Variants in RYR3 observed in about 807,000 individuals in gnomAD.
RYR3 encodes ryanodine receptor 3.
A neutral mutation model predicts 584.3 loss-of-function variants in RYR3; 207 were observed. The ratio of observed to expected loss-of-function variants is 0.35; its 90% confidence interval spans 0.32 to 0.40. RYR3 has a LOEUF of 0.40. Among genes scored for constraint, RYR3 ranks in the 10% least tolerant of loss-of-function variants. The probability of loss-of-function intolerance (pLI) is 1.00; values close to 1 mark genes in which losing one functional copy is unlikely to be tolerated. For missense variants in RYR3, 5,616 were observed against 6,089.2 expected (o/e 0.92, Z 2.59); for synonymous variants, 2,416 against 2,248.5 (o/e 1.07, Z -2.11).
At chr15:33,736,461 CAA>C in intron 49 of RYR3, 136 bp downstream of exon 49, 1 of 585,772 alleles carries the variant, frequency 1.7e-6, no homozygotes, top group South Asian at 2.4e-5. Context: ...GGTTAGCTAA[CAA>C]GATAGATCCC....
intron 60 of RYR3, among the ~76,000 whole-genome samples, chr15:33,768,113 G>C (rs1339499841): frequency 6.6e-6 from 1 of 152,188 alleles, no homozygotes. Flanking sequence ...AGACTAACTG[G>C]AGATGACAGA....
intron 47 of RYR3, among the ~76,000 whole-genome samples, chr15:33,730,746 T>C (rs1156625960): frequency 6.6e-6 from 1 of 152,176 alleles, no homozygotes; most frequent in East Asian, 1.9e-4. Context: ...ACTAAATGGG[T>C]TTTCCTTGTA....
chr15:33,389,824 C>G (rs1006020164), intron 1 of RYR3, among the ~76,000 whole-genome samples: 2 of 152,134 alleles, frequency 1.3e-5, no homozygotes, highest in African/African-American at 4.8e-5. Flanking sequence ...TTCAAGGATG[C>G]AGTTTAGTAT....
At chr15:33,818,849 C>T (rs933930460) in intron 76 of RYR3, among the ~76,000 whole-genome samples, 165 bp downstream of exon 76, 19 of 152,194 alleles carry the variant, frequency 1.2e-4, no homozygotes, top group African/African-American at 4.1e-4. Flanking sequence ...GGGAGCCAGG[C>T]GTGGTGGCTC....
intron 19 of RYR3, among the ~76,000 whole-genome samples, chr15:33,613,692 A>C (rs906594404): frequency 2.6e-5 from 4 of 152,396 alleles, no homozygotes; most frequent in South Asian, 4.1e-4. Flanking sequence ...GTTATGAACA[A>C]CACAGTAAAA....
intron 1 of RYR3, among the ~76,000 whole-genome samples, chr15:33,321,502 C>T (rs79325471): frequency 1.3e-3 from 191 of 152,246 alleles, no homozygotes; most frequent in African/African-American, 4.5e-3. Flanking sequence ...AATTGTCCTT[C>T]CCTGGTTGAG....
chr15:33,816,790 C>A (rs975543015), intron 74 of RYR3, 72 bp from the exon 75 acceptor site: 35 of 965,056 alleles, frequency 3.6e-5, no homozygotes, highest in Non-Finnish European at 5.3e-5. Context: ...GCTTACTAAC[C>A]ATTAACTGCC....
At chr15:33,682,807 G>A (rs2064721740) in intron 38 of RYR3, among the ~76,000 whole-genome samples, 1 of 152,176 alleles carries the variant, frequency 6.6e-6, no homozygotes, top group South Asian at 2.1e-4. Context: ...AAATCCTAGA[G>A]ATGCAACAAG....
chr15:33,833,692 TC>T (rs768384548), intron 86 of RYR3, among the ~76,000 whole-genome samples: 2 of 152,220 alleles, frequency 1.3e-5, no homozygotes, highest in Non-Finnish European at 2.9e-5. Flanking sequence ...TGAATGTGTT[TC>T]TTTCAGAAAC....
chr15:33,525,097 A>G (rs575738098), intron 3 of RYR3, among the ~76,000 whole-genome samples: 2 of 152,352 alleles, frequency 1.3e-5, no homozygotes, highest in South Asian at 4.1e-4. Flanking sequence ...GAAATATTTA[A>G]TTATGTTATC....
chr15:33,660,235 AGAG>A lies in RYR3; in HGVS notation c.4435_4437del (p.Glu1479del). ...TGTCAGCGGCCATATTCAGGAGTGA[AGAG>A]AAGAACCCAGTCCCACAGTGTCCAC... On this transcript the variant is annotated inframe_deletion, in exon 34 of 104. Coordinates refer to ENST00000634891, the MANE Select transcript of RYR3 (RefSeq NM_001036.6). 6.4e-7 allele frequency: 1 copy of A among 1,553,392 alleles called. No homozygotes were observed. Among genetic ancestry groups the A allele is most frequent in the Non-Finnish European group, 8.7e-7 (1 of 1,148,028 alleles).
chr15:33,539,513 A>AG (rs1289644789), intron 6 of RYR3, 51 bp downstream of exon 6: 15 of 1,149,502 alleles, frequency 1.3e-5, no homozygotes, highest in African/African-American at 3.1e-5. Flanking sequence ...TTTTTCCTTT[A>AG]GGAATAGATG....
At chr15:33,645,734 A>G (rs1485560414) in intron 28 of RYR3, among the ~76,000 whole-genome samples, 2 of 151,978 alleles carry the variant, frequency 1.3e-5, no homozygotes, top group African/African-American at 4.8e-5. Flanking sequence ...TCCACACACA[A>G]ATTGCAAAAA....
Position 33,736,292 on chromosome 15 carries a change from G to A in RYR3, c.7482G>A (p.Pro2494=), listed in dbSNP as rs762450639. The part of the protein sequence containing the change: ...QLLRRLVFDV[P]QLNEYCKMPL... The stretch of plus-strand genomic sequence containing the variant: ...TGCGACGCCTCGTTTTTGATGTGCC[G>A]CAACTCAATGAATACTGCAAAATGC... Residue 2494 remains proline, a synonymous_variant, in exon 49 of 104, where the codon CCG becomes CCA. Coordinates refer to ENST00000634891, the MANE Select transcript of RYR3 (RefSeq NM_001036.6). The A allele has an allele frequency of 1.1e-5, 18 of 1,612,212 alleles. No individual in the cohort carries two copies. The highest frequency in any genetic ancestry group is 1.6e-4 in the Middle Eastern group (1 of 6,084).
At chr15:33,777,521 G>A (rs915446509) in intron 64 of RYR3, among the ~76,000 whole-genome samples, 1 of 151,930 alleles carries the variant, frequency 6.6e-6, no homozygotes, top group Admixed American at 6.6e-5. Flanking sequence ...TAGGCCAAGA[G>A]AGCTGTTGTT....
intron 12 of RYR3, among the ~76,000 whole-genome samples, chr15:33,578,885 T>G (rs755188994): frequency 2.0e-5 from 3 of 152,142 alleles, no homozygotes; most frequent in Non-Finnish European, 4.4e-5. Flanking sequence ...CATTTCCCCT[T>G]CCTCTTCATA....
At chr15:33,546,466 G>A (rs746910631) in intron 8 of RYR3, among the ~76,000 whole-genome samples, 3 of 152,114 alleles carry the variant, frequency 2.0e-5, no homozygotes, top group Non-Finnish European at 4.4e-5. Context: ...GGCATTTCCC[G>A]ATAACATGTA....
chr15:33,603,646 G>A (rs2152556354), intron 18 of RYR3, among the ~76,000 whole-genome samples: 1 of 152,268 alleles, frequency 6.6e-6, no homozygotes, highest in South Asian at 2.1e-4. Context: ...TATGAACAGA[G>A]ACTCAGCATT....
intron 1 of RYR3, among the ~76,000 whole-genome samples, chr15:33,359,782 CTAATTTTT>C (rs1974502620): frequency 6.6e-6 from 1 of 151,870 alleles, no homozygotes; most frequent in South Asian, 2.1e-4. Context: ...CCAAGCCTGG[CTAATTTTT>C]TTTGTATTTT....
Sources: allele counts gnomAD v4.1 joint callset (sites outside exome capture counted in the v4.1 genomes callset), GRCh38; gene constraint gnomAD v4.1.1; transcripts MANE v1.5; gene names NCBI Gene and HGNC (gene_info 2026-07-23, HGNC 2026-07-21).